SDK1: variants seen among roughly 807,000 people sequenced by gnomAD.
The protein encoded by SDK1 is sidekick cell adhesion molecule 1, also known as protein sidekick-1.
Under a neutral mutation model 245.5 loss-of-function variants are expected in SDK1, and 157 were observed. That is an observed-to-expected ratio of 0.64 (90% CI 0.56 to 0.73). SDK1 has a LOEUF of 0.73. Among genes scored for constraint, SDK1 ranks in the 30% least tolerant of loss-of-function variants. The pLI is 0.00. For missense variants in SDK1, 3,583 were observed against 3,002.3 expected, an observed-to-expected ratio of 1.19 and a Z score of -4.52; for synonymous variants, 1,647 against 1,278.5, an observed-to-expected ratio of 1.29 and a Z score of -6.15.
chr7:3,849,395 G>T (rs1780364325), intron 5 of SDK1, among the ~76,000 whole-genome samples: 1 of 152,210 alleles, frequency 6.6e-6, no homozygotes, highest in African/African-American at 2.4e-5. Context: ...CAAAGCCCAG[G>T]ACACAGAGTT....
chr7:4,003,509 T>G (rs1785231837), intron 14 of SDK1, among the ~76,000 whole-genome samples: 1 of 152,166 alleles, frequency 6.6e-6, no homozygotes, highest in Non-Finnish European at 1.5e-5. Flanking sequence ...CAGGATCCCG[T>G]CCAGGATCTG....
chr7:3,415,771 A>G (rs1385540670), intron 1 of SDK1, among the ~76,000 whole-genome samples: 2 of 151,622 alleles, frequency 1.3e-5, no homozygotes, highest in Non-Finnish European at 1.5e-5. Context: ...ATGACTGTAC[A>G]TTTCTTCGGA....
chr7:3,533,305 A>C (rs1007982628), intron 1 of SDK1, among the ~76,000 whole-genome samples: 1 of 152,326 alleles, frequency 6.6e-6, no homozygotes, highest in East Asian at 1.9e-4. Context: ...GAGCTCTACT[A>C]AGTGAATTGA....
At chr7:3,655,473 A>ATGTATG (rs1191941573) in intron 4 of SDK1, among the ~76,000 whole-genome samples, 2 of 61,194 alleles carry the variant, frequency 3.3e-5, no homozygotes, top group African/African-American at 9.4e-5. Context: ...ATATATATAT[A>ATGTATG]TATATATATA....
intron 13 of SDK1, among the ~76,000 whole-genome samples, chr7:3,983,968 G>A (rs758741992): frequency 8.5e-5 from 13 of 152,256 alleles, no homozygotes; most frequent in Non-Finnish European, 7.4e-5. Context: ...AGCTCTTGCC[G>A]CCTACACTAA....
Position 3,762,101 on chromosome 7 carries a change from G to A in SDK1, c.714-59349G>A, listed in dbSNP as rs116154399. ...GGTTAAATAAATGTTTACACTGAAT[G>A]ATTCAGGAATGAGCACATAACAGCG... On this transcript the variant is annotated intron_variant, in intron 4 of 44. Coordinates refer to ENST00000404826, the MANE Select transcript of SDK1 (RefSeq NM_152744.4). 1.7e-3 allele frequency among the ~76,000 whole-genome samples: 252 copies of A among 152,322 alleles called. 1 individual carries two copies. Among genetic ancestry groups the A allele is most frequent in the African/African-American group, 5.8e-3 (241 of 41,572 alleles).
chr7:3,366,610 G>C (rs1420879271), intron 1 of SDK1, among the ~76,000 whole-genome samples: 1 of 152,064 alleles, frequency 6.6e-6, no homozygotes, highest in Admixed American at 6.5e-5. Flanking sequence ...TTTCAGTGTA[G>C]TTTTTATTTA....
chr7:4,064,587 A>C (rs1779749236), intron 19 of SDK1, among the ~76,000 whole-genome samples: 1 of 152,198 alleles, frequency 6.6e-6, no homozygotes, highest in Admixed American at 6.5e-5. Context: ...GAAAGGAGTC[A>C]GTGCATCAAA....
rs1291288332 is a variant in SDK1 at position 4,174,218 on chromosome 7, G to A, written c.4801-4G>A. ...GTGGCTGAGTCGGTGTGATGTCTTT[G>A]CAGCCTCCGAGGGACGAAAGCCTGA... is the stretch of plus-strand genomic sequence containing the variant. On this transcript the variant is annotated splice_region_variant and splice_polypyrimidine_tract_variant and intron_variant, in intron 32 of 44. Transcript: ENST00000404826. 6.2e-7 allele frequency: 1 copy of A among 1,613,978 alleles called. No homozygotes were observed. Among genetic ancestry groups the A allele is most frequent in the Non-Finnish European group, 8.5e-7 (1 of 1,179,926 alleles).
chr7:3,726,338 A>T (rs1052032250), intron 4 of SDK1, among the ~76,000 whole-genome samples: 2 of 152,228 alleles, frequency 1.3e-5, no homozygotes, highest in Non-Finnish European at 2.9e-5. Context: ...GTGCTTTTGG[A>T]TATTAAGATA....
At chr7:3,724,737 C>T (rs765470826) in intron 4 of SDK1, among the ~76,000 whole-genome samples, 14 of 152,160 alleles carry the variant, frequency 9.2e-5, no homozygotes, top group Admixed American at 2.0e-4. Context: ...TACTGTCTAC[C>T]AGCTCGCCTG....
chr7:4,238,620 C>G (rs949764144), intron 42 of SDK1, among the ~76,000 whole-genome samples: 1 of 150,594 alleles, frequency 6.6e-6, no homozygotes, highest in Non-Finnish European at 1.5e-5. Context: ...GCAGTCTAGG[C>G]TTACTGCAAC....
chr7:3,856,275 A>T (rs1377780549), intron 5 of SDK1, among the ~76,000 whole-genome samples: 1 of 152,138 alleles, frequency 6.6e-6, no homozygotes, highest in Non-Finnish European at 1.5e-5. Context: ...CTTCCAAACT[A>T]CTGGAGAAAA....
chr7:3,592,549 T>A (rs1397216775), intron 1 of SDK1, among the ~76,000 whole-genome samples: 1 of 152,224 alleles, frequency 6.6e-6, no homozygotes, highest in African/African-American at 2.4e-5. Flanking sequence ...TGATGAATTC[T>A]GCCCAGTGAA....
intron 5 of SDK1, among the ~76,000 whole-genome samples, chr7:3,845,333 T>C (rs1780249297): frequency 6.6e-6 from 1 of 151,614 alleles, no homozygotes; most frequent in African/African-American, 2.4e-5. Context: ...CTACTAAAAA[T>C]ACAAAACTTA....
rs187860267 is a variant in SDK1, at chr7:3,834,967, C to T, written c.847+13384C>T. ...GTTTATTGCTCCTTTTGGCTCTCCTCGTCCCAAGATGTGAGGATTCTCCAG... is the reference window on the plus strand; with the variant it reads ...GTTTATTGCTCCTTTTGGCTCTCCTTGTCCCAAGATGTGAGGATTCTCCAG... On this transcript the variant is annotated intron_variant, in intron 5 of 44. Coordinates refer to ENST00000404826, the MANE Select transcript of SDK1 (RefSeq NM_152744.4). Among the ~76,000 whole-genome samples, 586 of 152,232 alleles carry T rather than the reference C, an allele frequency of 3.8e-3. 10 individuals carry two copies. Among genetic ancestry groups the T allele is most frequent in the Non-Finnish European group, 1.1e-3 (78 of 68,018 alleles).
intron 4 of SDK1, among the ~76,000 whole-genome samples, chr7:3,767,722 C>A (rs552380294): frequency 6.6e-6 from 1 of 152,134 alleles, no homozygotes; most frequent in Non-Finnish European, 1.5e-5. Context: ...TGAACCCAGG[C>A]TGTCTGAATC....
chr7:4,194,124 C>T (rs1362039944), intron 35 of SDK1, among the ~76,000 whole-genome samples: 1 of 152,076 alleles, frequency 6.6e-6, no homozygotes, highest in Non-Finnish European at 1.5e-5. Context: ...TATTCTGTCT[C>T]TCTAGAACCA....
At chr7:3,507,929 C>G (rs1782445949) in intron 1 of SDK1, among the ~76,000 whole-genome samples, 1 of 152,194 alleles carries the variant, frequency 6.6e-6, no homozygotes, top group Non-Finnish European at 1.5e-5. Context: ...TTAAACCTAT[C>G]TCGGTCTTAA....
Sources: allele counts gnomAD v4.1 joint callset (sites outside exome capture counted in the v4.1 genomes callset), GRCh38; gene constraint gnomAD v4.1.1; transcripts MANE v1.5; gene names NCBI Gene and HGNC (gene_info 2026-07-23, HGNC 2026-07-21).